Variants in BCL9 observed in about 807,000 individuals in gnomAD.
BCL9 encodes BCL9 transcription coactivator.
Under a neutral mutation model 88.5 loss-of-function variants are expected in BCL9, and 25 were observed. The ratio of observed to expected loss-of-function variants is 0.28; its 90% CI spans 0.21 to 0.39. The LOEUF (loss-of-function observed/expected upper bound fraction) is 0.39, where lower values mean the gene tolerates loss of function less well. BCL9 is among the 10% of genes least tolerant of loss of function. The pLI, the probability that BCL9 is intolerant of heterozygous loss-of-function variation, is 1.00. For missense variants in BCL9, 1,817 were observed against 1,877.8 expected (o/e 0.97, Z 0.60); for synonymous variants, 711 against 673.3 (o/e 1.06, Z -0.87).
intron 1 of BCL9, among the ~76,000 whole-genome samples, chr1:147,561,994 A>G (rs1553196157): frequency 1.3e-5 from 2 of 152,180 alleles, no homozygotes; most frequent in African/African-American, 4.8e-5. Context: ...CATAGGATAA[A>G]TGTAGGCAAA....
At chr1:147,545,205 T>C (rs1255246599) in intron 1 of BCL9, among the ~76,000 whole-genome samples, 1 of 152,220 alleles carries the variant, frequency 6.6e-6, no homozygotes, top group Non-Finnish European at 1.5e-5. Flanking sequence ...GCCCACATTG[T>C]AGCAACAACC....
At chr1:147,577,940 A>G (rs965892464) in intron 1 of BCL9, among the ~76,000 whole-genome samples, 11 of 152,026 alleles carry the variant, frequency 7.2e-5, no homozygotes, top group African/African-American at 2.4e-4. Flanking sequence ...TGAAGACATT[A>G]TGTCTGTAAA....
intron 7 of BCL9, among the ~76,000 whole-genome samples, chr1:147,616,909 C>T (rs993671598): frequency 3.8e-4 from 58 of 152,308 alleles, no homozygotes; most frequent in African/African-American, 1.3e-3. Context: ...AAGACACAGT[C>T]CCTGCTTTCA....
intron 7 of BCL9, among the ~76,000 whole-genome samples, chr1:147,616,636 G>A (rs951918762): frequency 2.0e-5 from 3 of 152,064 alleles, no homozygotes; most frequent in Non-Finnish European, 4.4e-5. Flanking sequence ...GCATGCTGGC[G>A]GGTGCCTGTA....
At chr1:147,604,623 G>T (rs1385933970) in intron 1 of BCL9, among the ~76,000 whole-genome samples, 154 bp from the exon 2 acceptor site, 5 of 150,796 alleles carry the variant, frequency 3.3e-5, no homozygotes, top group Non-Finnish European at 5.9e-5. Context: ...AGTTTTAGTG[G>T]TTTTGCCTTC....
intron 1 of BCL9, among the ~76,000 whole-genome samples, chr1:147,579,146 G>A (rs1472381797): frequency 1.6e-4 from 25 of 152,250 alleles, no homozygotes; most frequent in African/African-American, 5.3e-4. Flanking sequence ...GATTAGAGTC[G>A]TGAGCCACCG....
chr1:147,585,742 A>G (rs782140137), intron 1 of BCL9, among the ~76,000 whole-genome samples: 2 of 152,148 alleles, frequency 1.3e-5, no homozygotes, highest in Non-Finnish European at 2.9e-5. Flanking sequence ...TTTCTAGCAC[A>G]CTTTGTTCTT....
chr1:147,625,714 TTC>T lies in BCL9; in HGVS notation c.*762_*763del, dbSNP rs782099257. 8.6e-6 allele frequency: 2 copies of T among 232,926 alleles called. No individual in the cohort carries two copies. Among genetic ancestry groups the T allele is most frequent in the Admixed American group, 1.1e-4 (2 of 17,758 alleles). 14.4% of individuals were successfully genotyped at this position (232,926 alleles called of 1,614,324 possible). On this transcript the variant is annotated 3_prime_UTR_variant, in exon 10 of 10. Coordinates refer to ENST00000234739, the MANE Select transcript of BCL9 (RefSeq NM_004326.4). ...CCCACTGGCACATTTTTCTCTTGTTTTCTCTCTCCGATTTTGCTCTGTCTCCT... is the reference window on the plus strand; with the variant it reads ...CCCACTGGCACATTTTTCTCTTGTTTTCTCTCCGATTTTGCTCTGTCTCCT...
In BCL9 at chr1:147,614,524, C is replaced by A. The variant is rs782417406; in HGVS notation, c.468C>A (p.Pro156=). The change falls in exon 6 of 10, where the codon CCC becomes CCA. Residue 156 remains proline, a synonymous_variant. Transcript: ENST00000234739. ...CTACAGCCCCCAGGTCTTCTACCCCCTCCCATGGCCAAACTACTGCCACAG... is the reference window on the plus strand; with the variant it reads ...CTACAGCCCCCAGGTCTTCTACCCCATCCCATGGCCAAACTACTGCCACAG... ...SNATAPRSST[P]SHGQTTATEP... 1.2e-6 allele frequency: 2 copies of A among 1,614,114 alleles called. No homozygotes were observed. The highest frequency in any genetic ancestry group is 1.7e-6 in the Non-Finnish European group (2 of 1,180,002).
rs1238789785 is a variant in BCL9, at chr1:147,541,569, G to C, written c.-583G>C. On this transcript the variant is annotated 5_prime_UTR_variant, in exon 1 of 10. Coordinates refer to ENST00000234739, the MANE Select transcript of BCL9 (RefSeq NM_004326.4). ...TGCTTTGATGTTGTCCTGGTGTCTTGATACCAGGAGGCCAGGGATTGCGGG... is the reference window on the plus strand; with the variant it reads ...TGCTTTGATGTTGTCCTGGTGTCTTCATACCAGGAGGCCAGGGATTGCGGG... 6.6e-6 allele frequency: 1 copy of C among 152,182 alleles called. No individual in the cohort carries two copies. The highest frequency in any genetic ancestry group is 1.5e-5 in the Non-Finnish European group (1 of 68,110). 9.4% of individuals were successfully genotyped at this position (152,182 alleles called of 1,614,324 possible). A position where few individuals can be genotyped will look rare whatever the true frequency, so the allele number is the denominator to read the frequency against.
At chr1:147,593,404 T>G (rs1375607741) in intron 1 of BCL9, among the ~76,000 whole-genome samples, 3 of 152,212 alleles carry the variant, frequency 2.0e-5, no homozygotes, top group Non-Finnish European at 4.4e-5. Context: ...CCTGGCTGAC[T>G]CCTACGCATT....
Position 147,625,051 on chromosome 1 carries a change from GTCATGCAAT to G in BCL9, c.*93_*101del. The G allele has an allele frequency of 6.8e-7, 1 of 1,469,308 alleles. No individual in the cohort carries two copies. Among genetic ancestry groups the G allele is most frequent in the Admixed American group, 2.1e-5 (1 of 46,730 alleles). The allele number at this position is 1,469,308 out of a possible 1,614,324, so 91.0% of individuals were successfully genotyped here. ...GGAGTTCCAGGAGTACTTACTATTG[GTCATGCAAT>G]AGGAGAACAGAGACCCGAGGGCTGC... On this transcript the variant is annotated 3_prime_UTR_variant, in exon 10 of 10. Coordinates refer to ENST00000234739, the MANE Select transcript of BCL9 (RefSeq NM_004326.4).
chr1:147,574,735 G>A (rs1316685700), intron 1 of BCL9, among the ~76,000 whole-genome samples: 2 of 152,166 alleles, frequency 1.3e-5, no homozygotes, highest in Non-Finnish European at 2.9e-5. Flanking sequence ...CACAGCACGC[G>A]ATTTGTTTCA....
In BCL9 at chr1:147,590,766, C is replaced by T. The variant is rs183105797; in HGVS notation, c.-477-14011C>T. Among the ~76,000 whole-genome samples the T allele has an allele frequency of 2.4e-4, 36 of 152,228 alleles. No individual in the cohort carries two copies. The East Asian group carries it at 6.4e-3, about 27-fold the overall frequency. On this transcript the variant is annotated intron_variant, in intron 1 of 9. Coordinates refer to ENST00000234739, the MANE Select transcript of BCL9 (RefSeq NM_004326.4). ...GAGTTGTTACATAATACATGCAAAGCCCTTAGCACAGTGCATGGATGTATG... is the reference window on the plus strand; with the variant it reads ...GAGTTGTTACATAATACATGCAAAGTCCTTAGCACAGTGCATGGATGTATG...
intron 7 of BCL9, among the ~76,000 whole-genome samples, chr1:147,617,167 T>G (rs1658326931): frequency 6.6e-6 from 1 of 152,216 alleles, no homozygotes; most frequent in African/African-American, 2.4e-5. Context: ...TTTAAAATGC[T>G]TATTGTCCTG....
rs2101624628 is a variant in BCL9, at chr1:147,622,450, G to A, written c.3082G>A (p.Ala1028Thr). The change falls in exon 9 of 10, where the codon GCT becomes ACT. Residue 1028 changes from alanine to threonine, a missense_variant. Around this residue, in one of 2 missense-constraint regions of BCL9, gnomAD observed 589 missense variants for 686.2 expected, o/e 0.86. Transcript: ENST00000234739. ...CAGTTCCACCCCGTTATACCATGATGCTATCAAGACTGTGGCCAGCTCAGA... is the reference window on the plus strand; with the variant it reads ...CAGTTCCACCCCGTTATACCATGATACTATCAAGACTGTGGCCAGCTCAGA... Reference protein sequence around the residue: ...MPSSTPLYHDAIKTVASSDDD... With the variant: ...MPSSTPLYHDTIKTVASSDDD... 3 of 1,614,128 alleles carry A rather than the reference G, an allele frequency of 1.9e-6. No homozygotes were observed. The highest frequency in any genetic ancestry group is 1.7e-6 in the Non-Finnish European group (2 of 1,180,022).
intron 1 of BCL9, among the ~76,000 whole-genome samples, chr1:147,584,046 T>C (rs1427435315): frequency 1.3e-5 from 1 of 76,578 alleles, no homozygotes; most frequent in African/African-American, 5.6e-5. Flanking sequence ...ATTTCTTTAA[T>C]GGATTCATTT....
At chr1:147,542,434 C>T (rs1553193900) in intron 1 of BCL9, among the ~76,000 whole-genome samples, 1 of 152,172 alleles carries the variant, frequency 6.6e-6, no homozygotes, top group Non-Finnish European at 1.5e-5. Flanking sequence ...TGTATGCCTC[C>T]CTGGGATTGA....
Position 147,620,314 on chromosome 1 carries a change from T to G in BCL9, c.2159T>G (p.Val720Gly), listed in dbSNP as rs375152056. 4.3e-5 allele frequency: 70 copies of G among 1,614,006 alleles called. No homozygotes were observed. The highest frequency in any genetic ancestry group is 5.6e-5 in the Non-Finnish European group (66 of 1,180,038). Residue 720 changes from valine (V) to glycine (G), a missense_variant, in exon 8 of 10, where the codon GTC (valine) becomes GGC (glycine). Physicochemically the swap from Val to Gly is moderately radical, Grantham distance 109 (BLOSUM62 -3). This residue lies in a region of BCL9 where 1,228 missense variants were observed against 1,191.6 expected (regional missense o/e 1.03). Coordinates refer to ENST00000234739, the MANE Select transcript of BCL9 (RefSeq NM_004326.4). The part of the protein sequence containing the change: ...GMVPSGMKGD[V>G]NLNVNMGSNS... ...GTTCCTAGTGGGATGAAGGGAGATG[T>G]CAATCTAAATGTCAACATGGGATCC...
Sources: gnomAD v4.1 joint callset for allele counts (sites outside exome capture counted in the v4.1 genomes callset) on GRCh38, gnomAD v4.1.1 for gene constraint, gnomAD v4.1.1 regional missense constraint, MANE v1.5 for transcripts, NCBI Gene and HGNC (gene_info 2026-07-23, HGNC 2026-07-21) for gene names.